Variants in MIS18A observed in about 807,000 individuals in gnomAD.
The protein encoded by MIS18A is MIS18 kinetochore protein A, also known as protein Mis18-alpha.
Under a neutral mutation model 25.0 loss-of-function variants are expected in MIS18A, and 14 were observed. The ratio of observed to expected loss-of-function variants is 0.56; its 90% CI spans 0.37 to 0.88. The LOEUF is 0.88. Among genes scored for constraint, MIS18A ranks in the 40% least tolerant of loss-of-function variants. The pLI, the probability that MIS18A is intolerant of heterozygous loss-of-function variation, is 0.00. For missense variants in MIS18A, 292 were observed against 290.8 expected (o/e 1.00, Z -0.03); for synonymous variants, 134 against 118.6 (o/e 1.13, Z -0.84).
chr21:32,222,507 T>A, the MIS18A span, among the ~76,000 whole-genome samples: 3 of 152,172 alleles, frequency 2.0e-5, no homozygotes, highest in Non-Finnish European at 2.9e-5. Context: ...CAGCACGACA[T>A]AGCACTTACT....
At chr21:32,156,451 A>G in the MIS18A span, 2 of 152,140 alleles carry the variant, frequency 1.3e-5, no homozygotes, top group African/African-American at 4.8e-5. Context: ...ACAAAAGGCT[A>G]TGCAGTGGAG....
the MIS18A span, among the ~76,000 whole-genome samples, chr21:32,194,475 C>T: frequency 6.6e-6 from 1 of 152,066 alleles, no homozygotes; most frequent in Admixed American, 6.5e-5. Flanking sequence ...GCCTGGCCAA[C>T]ATGCAGAAAC....
At chr21:32,230,402 C>A in the MIS18A span, among the ~76,000 whole-genome samples, 1 of 152,082 alleles carries the variant, frequency 6.6e-6, no homozygotes, top group Non-Finnish European at 1.5e-5. Flanking sequence ...TATACGATAA[C>A]CTGAATAATG....
the MIS18A span, among the ~76,000 whole-genome samples, chr21:32,201,546 C>T: frequency 5.3e-5 from 8 of 152,176 alleles, no homozygotes; most frequent in South Asian, 2.1e-4. Flanking sequence ...GCAGGCTGGG[C>T]ACAGTAGCTC....
chr21:32,275,218 T>A (rs1273313737), intron 1 of MIS18A, among the ~76,000 whole-genome samples: 3 of 151,930 alleles, frequency 2.0e-5, no homozygotes, highest in African/African-American at 7.3e-5. Context: ...TAAAAAAAAA[T>A]TTTTAAATAA....
At chr21:32,165,335 C>T in the MIS18A span, among the ~76,000 whole-genome samples, 4 of 151,722 alleles carry the variant, frequency 2.6e-5, no homozygotes, top group African/African-American at 9.7e-5. Flanking sequence ...AACATAGAAG[C>T]CCAAATTGAG....
chr21:32,276,455 T>C (rs9977661), intron 1 of MIS18A, among the ~76,000 whole-genome samples: 66,843 of 118,862 alleles, frequency 0.56, 19,424 homozygotes, highest in African/African-American at 0.79. Context: ...AGTGAGACTC[T>C]GTCTCAAAAA....
chr21:32,223,914 A>G, the MIS18A span, among the ~76,000 whole-genome samples: 10 of 152,368 alleles, frequency 6.6e-5, no homozygotes, highest in African/African-American at 2.4e-4. Flanking sequence ...GTAGTATATT[A>G]AAAACTTACC....
the MIS18A span, among the ~76,000 whole-genome samples, chr21:32,177,591 T>A: frequency 2.6e-5 from 4 of 152,174 alleles, no homozygotes; most frequent in Non-Finnish European, 4.4e-5. Context: ...AGCAAGGTCA[T>A]TGGATATAAG....
the MIS18A span, among the ~76,000 whole-genome samples, chr21:32,203,613 C>CTTTTTTTTT: frequency 1.4e-4 from 12 of 85,388 alleles, no homozygotes; most frequent in Non-Finnish European, 1.7e-4. Context: ...TTTTTAAATG[C>CTTTTTTTTT]TTTTTTTTTT....
chr21:32,206,933 T>C, the MIS18A span, among the ~76,000 whole-genome samples: 1 of 152,206 alleles, frequency 6.6e-6, no homozygotes, highest in Non-Finnish European at 1.5e-5. Context: ...GCTCTACCCG[T>C]TCAGTTTCAC....
At chr21:32,182,593 G>A in the MIS18A span, among the ~76,000 whole-genome samples, 1 of 152,220 alleles carries the variant, frequency 6.6e-6, no homozygotes, top group African/African-American at 2.4e-5. Flanking sequence ...CTCGTCATAA[G>A]TGGGGTCCAC....
the MIS18A span, among the ~76,000 whole-genome samples, chr21:32,223,078 T>C: frequency 6.6e-6 from 1 of 151,796 alleles, no homozygotes; most frequent in African/African-American, 2.4e-5. Flanking sequence ...TTGAAATCAA[T>C]GAGAACCAAG....
chr21:32,185,681 C>G, the MIS18A span, among the ~76,000 whole-genome samples: 3 of 152,248 alleles, frequency 2.0e-5, no homozygotes, highest in East Asian at 3.9e-4. Flanking sequence ...CTGGGTCTGG[C>G]ACCTCTCATT....
the MIS18A span, among the ~76,000 whole-genome samples, chr21:32,169,238 C>T: frequency 6.7e-5 from 10 of 149,620 alleles, no homozygotes; most frequent in African/African-American, 2.5e-4. Flanking sequence ...CTGGAAGGGG[C>T]ATAACAGATT....
chr21:32,157,302 T>C, the MIS18A span, among the ~76,000 whole-genome samples: 137,940 of 137,966 alleles, frequency 1, 68,957 homozygotes, highest in Middle Eastern at 1. Flanking sequence ...AACTCCTGAC[T>C]TAGTGATCCA....
the MIS18A span, among the ~76,000 whole-genome samples, chr21:32,170,566 T>C: frequency 1.3e-5 from 2 of 151,936 alleles, no homozygotes; most frequent in African/African-American, 4.8e-5. Flanking sequence ...ACTGAAGATA[T>C]ATCCATTGGA....
chr21:32,179,128 T>C, the MIS18A span, among the ~76,000 whole-genome samples: 1 of 151,794 alleles, frequency 6.6e-6, no homozygotes, highest in Admixed American at 6.6e-5. Flanking sequence ...ATATATCTTA[T>C]ATTTCTCTTT....
chr21:32,209,094 T>C, the MIS18A span, among the ~76,000 whole-genome samples: 1 of 152,210 alleles, frequency 6.6e-6, no homozygotes, highest in Non-Finnish European at 1.5e-5. Context: ...ATTCATTTGT[T>C]ATGGTGTGGC....
Sources: gnomAD v4.1 joint callset for allele counts (sites outside exome capture counted in the v4.1 genomes callset) on GRCh38, gnomAD v4.1.1 for gene constraint, MANE v1.5 for transcripts, NCBI Gene and HGNC (gene_info 2026-07-23, HGNC 2026-07-21) for gene names.